Variants in PCBP3 observed in about 807,000 individuals in gnomAD.
PCBP3 encodes poly(rC)-binding protein 3.
PCBP3 carries 25 observed loss-of-function variants against 52.7 expected under a neutral mutation model. That is an observed-to-expected ratio of 0.47 (90% CI 0.35 to 0.66). PCBP3 has a LOEUF of 0.66. Ranked by LOEUF, PCBP3 falls within the 30% of genes least tolerant of loss-of-function variation. The probability of loss-of-function intolerance (pLI) is 0.01; values close to 1 mark genes in which losing one functional copy is unlikely to be tolerated. For synonymous variants in PCBP3, 162 were observed against 183.0 expected (o/e 0.89, Z 0.93); for missense variants, 391 against 490.3 (o/e 0.80, Z 1.91).
intron 5 of PCBP3, among the ~76,000 whole-genome samples, chr21:45,868,435 A>ATTTT (rs2094848845): frequency 1.1e-5 from 1 of 91,978 alleles, no homozygotes; most frequent in Non-Finnish European, 2.3e-5. Context: ...TTTTTTTTAA[A>ATTTT]TAAAGGATTC....
At chr21:45,719,560 C>T (rs1011703348) in intron 2 of PCBP3, among the ~76,000 whole-genome samples, 2 of 151,904 alleles carry the variant, frequency 1.3e-5, no homozygotes, top group Admixed American at 1.3e-4. Flanking sequence ...GGTGATTTTC[C>T]CCATGCTGTT....
intron 2 of PCBP3, among the ~76,000 whole-genome samples, chr21:45,678,254 C>T (rs947656382): frequency 6.6e-5 from 10 of 150,690 alleles, no homozygotes; most frequent in African/African-American, 1.2e-4. Flanking sequence ...TGCAGTGAGC[C>T]GAGATAGTGC....
At chr21:45,711,261 T>C (rs28625750) in intron 2 of PCBP3, among the ~76,000 whole-genome samples, 27,571 of 152,200 alleles carry the variant, frequency 0.18, 2,658 homozygotes, top group Middle Eastern at 0.33. Context: ...AACCTGTATA[T>C]ATGCACATGT....
At chr21:45,677,552 A>G (rs2081546566) in intron 2 of PCBP3, among the ~76,000 whole-genome samples, 1 of 152,242 alleles carries the variant, frequency 6.6e-6, no homozygotes, top group Non-Finnish European at 1.5e-5. Flanking sequence ...ACACTAAGGA[A>G]CAGATTTTCA....
chr21:45,712,757 C>T (rs1250109809), intron 2 of PCBP3, among the ~76,000 whole-genome samples: 1 of 151,330 alleles, frequency 6.6e-6, no homozygotes, highest in African/African-American at 2.4e-5. Flanking sequence ...GGCTGGAGTG[C>T]AGTGGTGCAA....
chr21:45,764,024 TTTA>T (rs1309546230), intron 4 of PCBP3, among the ~76,000 whole-genome samples: 8 of 152,240 alleles, frequency 5.3e-5, no homozygotes, highest in South Asian at 2.1e-4. Flanking sequence ...AAAAAATAGC[TTTA>T]TTATTTGTGA....
chr21:45,895,888 G>A (rs2095812361), intron 5 of PCBP3, among the ~76,000 whole-genome samples: 1 of 152,236 alleles, frequency 6.6e-6, no homozygotes, highest in African/African-American at 2.4e-5. Context: ...CACAGGGGTA[G>A]CTCCTGCCAG....
At chr21:45,668,187 CTA>C (rs2080931492) in intron 1 of PCBP3, among the ~76,000 whole-genome samples, 1 of 152,062 alleles carries the variant, frequency 6.6e-6, no homozygotes, top group African/African-American at 2.4e-5. Context: ...GTGCATAGCT[CTA>C]TGTATGCACC....
chr21:45,820,277 C>T (rs1007674695), intron 4 of PCBP3, among the ~76,000 whole-genome samples: 1 of 152,280 alleles, frequency 6.6e-6, no homozygotes, highest in African/African-American at 2.4e-5. Context: ...GTGGGCACCA[C>T]GGGCCAGCAC....
rs546920666 is a variant in PCBP3, at chr21:45,738,064, A to G, written c.-162+2635A>G. Reference sequence around the variant, plus strand: ...CGTGCAGACCTCTCAGGTCCACTTCATTTTGCAGGTAAGGACCCATCTCCC... The same window carrying G: ...CGTGCAGACCTCTCAGGTCCACTTCGTTTTGCAGGTAAGGACCCATCTCCC... On this transcript the variant is annotated intron_variant, in intron 3 of 17. Coordinates refer to ENST00000681687, the MANE Select transcript of PCBP3 (RefSeq NM_001384156.1). 3.0e-4 allele frequency among the ~76,000 whole-genome samples: 45 copies of G among 152,108 alleles called. No individual in the cohort carries two copies. In the East Asian group the frequency reaches 8.1e-3, roughly 28 times the overall value.
intron 1 of PCBP3, among the ~76,000 whole-genome samples, chr21:45,659,717 T>G (rs572688616): frequency 6.6e-6 from 1 of 152,304 alleles, no homozygotes; most frequent in East Asian, 1.9e-4. Flanking sequence ...TCTGGTTATT[T>G]AGCAGTGTAT....
chr21:45,796,454 G>A (rs952781713), intron 4 of PCBP3, among the ~76,000 whole-genome samples: 1 of 152,088 alleles, frequency 6.6e-6, no homozygotes, highest in Non-Finnish European at 1.5e-5. Flanking sequence ...GCACTTCCTT[G>A]TCTGTCTTCT....
intron 5 of PCBP3, among the ~76,000 whole-genome samples, chr21:45,878,289 G>C (rs73911028): frequency 9.2e-5 from 14 of 152,262 alleles, no homozygotes; most frequent in South Asian, 4.1e-4. Context: ...CCTCCGGGGT[G>C]GGGGGGTCCT....
chr21:45,908,061 C>G (rs1041566568), intron 9 of PCBP3, among the ~76,000 whole-genome samples: 3 of 152,138 alleles, frequency 2.0e-5, no homozygotes, highest in Non-Finnish European at 4.4e-5. Context: ...CTGAAAAAAT[C>G]TTATTATCTT....
At chr21:45,767,773 C>T (rs536759759) in intron 4 of PCBP3, among the ~76,000 whole-genome samples, 7 of 152,362 alleles carry the variant, frequency 4.6e-5, no homozygotes, top group Non-Finnish European at 1.0e-4. Context: ...AGGGTCTCTG[C>T]TCCTGCTCCG....
At position 45,752,134 on chromosome 21, in the gene PCBP3, A is replaced by T. The variant is rs763642920; in HGVS notation, c.-161-3283A>T. On this transcript the variant is annotated intron_variant, in intron 3 of 17. Transcript: ENST00000681687. ...CCAAAGATTTTTTATTTTTATAGTC[A>T]AATTTATCTTTTATCTAGATTTTTA... 5.9e-5 allele frequency among the ~76,000 whole-genome samples: 9 copies of T among 152,036 alleles called. No homozygotes were observed. The South Asian group carries it at 8.3e-4, about 14-fold the overall frequency.
At chr21:45,868,844 A>G (rs2094875276) in intron 5 of PCBP3, among the ~76,000 whole-genome samples, 1 of 152,190 alleles carries the variant, frequency 6.6e-6, no homozygotes, top group Non-Finnish European at 1.5e-5. Flanking sequence ...CCCCTGTGGT[A>G]CTGACAGGAG....
At chr21:45,784,855 G>A (rs1470711736) in intron 4 of PCBP3, among the ~76,000 whole-genome samples, 17 of 152,320 alleles carry the variant, frequency 1.1e-4, no homozygotes, top group Admixed American at 3.3e-4. Context: ...CCAAAGTGCC[G>A]AGATTGCAGC....
intron 5 of PCBP3, among the ~76,000 whole-genome samples, chr21:45,882,513 C>T (rs74543411): frequency 0.01 from 1,582 of 152,124 alleles, 15 homozygotes; most frequent in Non-Finnish European, 0.017. Flanking sequence ...TGTGCAGAAG[C>T]TTTTCAGTTT....
Sources: gnomAD v4.1 joint callset for allele counts (sites outside exome capture counted in the v4.1 genomes callset) on GRCh38, gnomAD v4.1.1 for gene constraint, MANE v1.5 for transcripts, NCBI Gene and HGNC (gene_info 2026-07-23, HGNC 2026-07-21) for gene names.